Variants in HPSE2 observed in about 807,000 individuals in gnomAD.
The protein encoded by HPSE2 is inactive heparanase-2.
A neutral mutation model predicts 60.5 loss-of-function variants in HPSE2; 38 were observed. The observed-to-expected ratio is 0.63, with a 90% confidence interval of 0.48 to 0.82. HPSE2 has a LOEUF of 0.82. HPSE2 is among the 40% of genes least tolerant of loss of function. The probability of loss-of-function intolerance (pLI) is 0.00; values close to 1 mark genes in which losing one functional copy is unlikely to be tolerated. For synonymous variants in HPSE2, 295 were observed against 293.2 expected, an observed-to-expected ratio of 1.01 and a Z score of -0.06; for missense variants, 713 against 740.4, an observed-to-expected ratio of 0.96 and a Z score of 0.43.
intron 4 of HPSE2, among the ~76,000 whole-genome samples, chr10:98,740,215 A>G (rs1399581647): frequency 6.8e-6 from 1 of 147,574 alleles, no homozygotes; most frequent in Non-Finnish European, 1.5e-5. Flanking sequence ...TCACCATGTC[A>G]CCCAGGTTCA....
the HPSE2 span, among the ~76,000 whole-genome samples, chr10:99,265,287 C>A: frequency 3.3e-5 from 5 of 152,338 alleles, no homozygotes; most frequent in African/African-American, 9.6e-5. Flanking sequence ...TGCTGACTCT[C>A]TTTTCGGACT....
chr10:99,235,443 G>A, intron 1 of HPSE2, 70 bp downstream of exon 1: 2 of 1,355,496 alleles, frequency 1.5e-6, no homozygotes, highest in South Asian at 1.2e-5. Flanking sequence ...CCTTTGGAAT[G>A]GGGGATAGGA....
chr10:98,991,143 C>A (rs1484459354), intron 3 of HPSE2, among the ~76,000 whole-genome samples: 1 of 152,168 alleles, frequency 6.6e-6, no homozygotes, highest in African/African-American at 2.4e-5. Flanking sequence ...TGTTATAACA[C>A]ATAGGCTCTA....
At chr10:99,002,412 T>A (rs1244489965) in intron 3 of HPSE2, among the ~76,000 whole-genome samples, 1 of 152,072 alleles carries the variant, frequency 6.6e-6, no homozygotes, top group Admixed American at 6.5e-5. Flanking sequence ...TGGAGAAACC[T>A]GACAAACACT....
At chr10:99,257,743 C>A in the HPSE2 span, among the ~76,000 whole-genome samples, 13 of 152,140 alleles carry the variant, frequency 8.5e-5, no homozygotes, top group African/African-American at 2.9e-4. Flanking sequence ...GTGACCCACA[C>A]CCTATTCATA....
At chr10:98,993,575 A>G (rs752021244) in intron 3 of HPSE2, among the ~76,000 whole-genome samples, 4 of 152,180 alleles carry the variant, frequency 2.6e-5, no homozygotes, top group Admixed American at 6.5e-5. Flanking sequence ...CATTCCAGAA[A>G]TTATGTAAAA....
At chr10:98,568,108 G>A (rs1315952309) in intron 9 of HPSE2, among the ~76,000 whole-genome samples, 1 of 152,190 alleles carries the variant, frequency 6.6e-6, no homozygotes, top group African/African-American at 2.4e-5. Context: ...TTAGGTAGCA[G>A]ACTTTCTACT....
intron 3 of HPSE2, among the ~76,000 whole-genome samples, chr10:99,020,349 G>T (rs1412685085): frequency 6.6e-6 from 1 of 151,996 alleles, no homozygotes; most frequent in East Asian, 1.9e-4. Context: ...TTGTTAACTG[G>T]AGATGAGTAA....
At chr10:99,132,134 A>C (rs533086382) in intron 3 of HPSE2, among the ~76,000 whole-genome samples, 1 of 88,364 alleles carries the variant, frequency 1.1e-5, no homozygotes, top group South Asian at 4.7e-4. Flanking sequence ...GAAAGAAAGG[A>C]AAGAAAGAAA....
intron 2 of HPSE2, among the ~76,000 whole-genome samples, chr10:99,214,767 A>G (rs1849064346): frequency 6.6e-6 from 1 of 152,150 alleles, no homozygotes; most frequent in Non-Finnish European, 1.5e-5. Context: ...ACCATCAAAA[A>G]GTGGGTGAAG....
chr10:99,186,103 A>ACCACACAC (rs1848000148), intron 2 of HPSE2, among the ~76,000 whole-genome samples: 1 of 26,068 alleles, frequency 3.8e-5, no homozygotes, highest in African/African-American at 7.8e-5. Context: ...AGGATAAATA[A>ACCACACAC]CCACACACAC....
chr10:99,014,516 C>CT (rs1240005909), intron 3 of HPSE2, among the ~76,000 whole-genome samples: 9 of 152,278 alleles, frequency 5.9e-5, no homozygotes, highest in African/African-American at 1.7e-4. Context: ...CTTTAGGTCT[C>CT]TGAGGAATCG....
chr10:98,781,253 C>T (rs1397795482), intron 3 of HPSE2, among the ~76,000 whole-genome samples: 2 of 151,162 alleles, frequency 1.3e-5, no homozygotes, highest in African/African-American at 2.4e-5. Context: ...CAAGCCTCTG[C>T]CCCTATGAAA....
chr10:99,188,327 T>G (rs1848103095), intron 2 of HPSE2, among the ~76,000 whole-genome samples: 1 of 152,064 alleles, frequency 6.6e-6, no homozygotes, highest in Admixed American at 6.6e-5. Context: ...TTTTGAGGAA[T>G]AGGAATGTTA....
intron 3 of HPSE2, among the ~76,000 whole-genome samples, chr10:98,960,715 T>TA (rs1955640928): frequency 7.9e-5 from 4 of 50,896 alleles, no homozygotes; most frequent in African/African-American, 4.0e-4. Context: ...TTTTTTTTTT[T>TA]TTTTTGTTTT....
chr10:99,236,739 G>A (rs1849867076), upstream of HPSE2, among the ~76,000 whole-genome samples: 1 of 152,184 alleles, frequency 6.6e-6, no homozygotes, highest in Non-Finnish European at 1.5e-5. Context: ...TCCCGCAACC[G>A]AGGAATAAGC....
chr10:98,929,215 T>C (rs946475379), intron 3 of HPSE2, among the ~76,000 whole-genome samples: 1 of 142,954 alleles, frequency 7.0e-6, no homozygotes, highest in Non-Finnish European at 1.5e-5. Context: ...CCACTGTCAA[T>C]ATGCCAGGCA....
At chr10:98,676,935 T>C (rs497132) in intron 6 of HPSE2, among the ~76,000 whole-genome samples, 53,075 of 150,818 alleles carry the variant, frequency 0.35, 9,600 homozygotes, top group Admixed American at 0.41. Flanking sequence ...TTTTTTCAGC[T>C]AAGTTCCATA....
At chr10:98,738,610 G>C (rs994352240) in intron 4 of HPSE2, among the ~76,000 whole-genome samples, 1 of 151,944 alleles carries the variant, frequency 6.6e-6, no homozygotes, top group Non-Finnish European at 1.5e-5. Flanking sequence ...AATCTACAAA[G>C]AACTTAAACA....
Sources: gnomAD v4.1 joint callset for allele counts (sites outside exome capture counted in the v4.1 genomes callset) on GRCh38, gnomAD v4.1.1 for gene constraint, MANE v1.5 for transcripts, NCBI Gene and HGNC (gene_info 2026-07-23, HGNC 2026-07-21) for gene names.